TUSC3: variants seen among roughly 807,000 people sequenced by gnomAD.
TUSC3 encodes tumor suppressor candidate 3.
TUSC3 carries 45 observed loss-of-function variants against 44.8 expected under a neutral mutation model. The ratio of observed to expected loss-of-function variants is 1.00; its 90% confidence interval spans 0.79 to 1.29. The LOEUF (loss-of-function observed/expected upper bound fraction) is 1.29. TUSC3 is among the 50% of genes most tolerant of loss of function. TUSC3 has a pLI of 0.00. For missense variants in TUSC3, 519 were observed against 437.9 expected (o/e 1.19, Z -1.65); for synonymous variants, 212 against 152.9 (o/e 1.39, Z -2.85).
chr8:15,570,634 A>G (rs77900927), intron 1 of TUSC3, among the ~76,000 whole-genome samples: 2,432 of 152,206 alleles, frequency 0.016, 80 homozygotes, highest in African/African-American at 0.054. Flanking sequence ...ACTATTTTAC[A>G]TGTATTATTT....
intron 7 of TUSC3, among the ~76,000 whole-genome samples, chr8:15,731,243 T>A (rs1810709405): frequency 6.6e-6 from 1 of 152,052 alleles, no homozygotes; most frequent in African/African-American, 2.4e-5. Flanking sequence ...GTTAGAAGGA[T>A]GAAGAATGTA....
chr8:15,513,519 A>C (rs1801171061), intron 2 of TUSC3, among the ~76,000 whole-genome samples: 1 of 152,212 alleles, frequency 6.6e-6, no homozygotes, highest in South Asian at 2.1e-4. Context: ...AAACTGAGTC[A>C]AGAGGCAAAG....
chr8:15,594,651 C>CAT (rs1803989358), intron 1 of TUSC3, among the ~76,000 whole-genome samples: 1 of 151,896 alleles, frequency 6.6e-6, no homozygotes, highest in Non-Finnish European at 1.5e-5. Flanking sequence ...GAATACTCTA[C>CAT]ATAATGTCTT....
At chr8:15,709,563 C>G (rs1331507698) in intron 6 of TUSC3, among the ~76,000 whole-genome samples, 2 of 151,794 alleles carry the variant, frequency 1.3e-5, no homozygotes, top group Non-Finnish European at 2.9e-5. Context: ...CATTTATATA[C>G]TCCATATCTA....
the TUSC3 span, chr8:15,806,918 A>G: frequency 2.7e-5 from 38 of 1,415,870 alleles, 2 homozygotes; most frequent in Middle Eastern, 5.3e-3. Context: ...ACCCACTTCT[A>G]TCTGCACCAT....
At chr8:15,832,265 A>T in the TUSC3 span, among the ~76,000 whole-genome samples, 1 of 152,134 alleles carries the variant, frequency 6.6e-6, no homozygotes, top group Non-Finnish European at 1.5e-5. Context: ...TTCCCACAAG[A>T]CCCACCTTAC....
At chr8:15,504,350 T>G (rs1218723406) in intron 2 of TUSC3, among the ~76,000 whole-genome samples, 1 of 151,948 alleles carries the variant, frequency 6.6e-6, no homozygotes, top group Non-Finnish European at 1.5e-5. Flanking sequence ...TGTGAGATTT[T>G]AATAAATTAG....
At chr8:15,749,350 A>G (rs1811589959) in intron 9 of TUSC3, among the ~76,000 whole-genome samples, 2 of 152,290 alleles carry the variant, frequency 1.3e-5, no homozygotes, top group South Asian at 4.1e-4. Context: ...GCAGCAATAT[A>G]TAGCTTTATC....
intron 6 of TUSC3, among the ~76,000 whole-genome samples, chr8:15,710,875 A>G (rs1036093834): frequency 7.4e-5 from 11 of 147,654 alleles, no homozygotes; most frequent in Non-Finnish European, 1.3e-4. Flanking sequence ...TGCATTATAT[A>G]TATAATATAA....
At position 15,487,546 on chromosome 8, in the gene TUSC3, T is replaced by C. The variant is rs1217675208; in HGVS notation, n.189+4063T>C. Among the ~76,000 whole-genome samples, 4 of 152,228 alleles carry C rather than the reference T, an allele frequency of 2.6e-5. No individual in the cohort carries two copies. In the East Asian group the frequency reaches 7.7e-4, roughly 29 times the overall value. On this transcript the variant is annotated intron_variant and non_coding_transcript_variant, in intron 2 of 5. Transcript: ENST00000503191. Reference sequence around the variant, plus strand: ...GGGCTAGTTTATCCTGGTAGGCTTATGTCTTGTTACTGAGATACTAAACAT... The same window carrying C: ...GGGCTAGTTTATCCTGGTAGGCTTACGTCTTGTTACTGAGATACTAAACAT...
At chr8:15,771,345 T>A (rs1250557202), downstream of TUSC3, among the ~76,000 whole-genome samples, 1 of 152,132 alleles carries the variant, frequency 6.6e-6, no homozygotes. Flanking sequence ...GAAAGCTGAT[T>A]CATATGGAAA....
At chr8:15,456,616 G>C (rs1800259812) in intron 1 of TUSC3, among the ~76,000 whole-genome samples, 1 of 152,076 alleles carries the variant, frequency 6.6e-6, no homozygotes, top group African/African-American at 2.4e-5. Context: ...ATGGAACTTT[G>C]ATGTAGACAG....
chr8:15,494,720 G>A (rs1196509432), intron 2 of TUSC3, among the ~76,000 whole-genome samples: 4 of 152,212 alleles, frequency 2.6e-5, no homozygotes, highest in Admixed American at 1.3e-4. Context: ...GCATCACACA[G>A]AATATCCAGA....
chr8:15,514,290 A>G (rs910399282), intron 2 of TUSC3, among the ~76,000 whole-genome samples: 1 of 152,226 alleles, frequency 6.6e-6, no homozygotes, highest in East Asian at 1.9e-4. Flanking sequence ...TTATTTCAAA[A>G]TAGAATTTAG....
the TUSC3 span, among the ~76,000 whole-genome samples, chr8:15,839,988 C>T: frequency 6.6e-6 from 1 of 152,122 alleles, no homozygotes; most frequent in Admixed American, 6.5e-5. Context: ...AAATGTCCAT[C>T]AATGATAGAC....
intron 1 of TUSC3, among the ~76,000 whole-genome samples, chr8:15,607,082 G>T (rs1437426261): frequency 6.6e-6 from 1 of 152,042 alleles, no homozygotes; most frequent in Non-Finnish European, 1.5e-5. Flanking sequence ...ACCCTGTGCT[G>T]TTCTCTCTGA....
chr8:15,562,817 C>G (rs538683702), intron 1 of TUSC3, among the ~76,000 whole-genome samples: 2 of 152,142 alleles, frequency 1.3e-5, no homozygotes, highest in Non-Finnish European at 2.9e-5. Context: ...ACTAGGATCA[C>G]TTTTGTGACA....
At chr8:15,538,019 C>A (rs907856360), upstream of TUSC3, among the ~76,000 whole-genome samples, 2 of 152,066 alleles carry the variant, frequency 1.3e-5, no homozygotes, top group African/African-American at 2.4e-5. Context: ...CTCTTATGTA[C>A]GCACATAGGA....
At position 15,648,809 on chromosome 8, in the gene TUSC3, A is replaced by G. The variant is rs114086681; in HGVS notation, c.309-1888A>G. Among the ~76,000 whole-genome samples the G allele has an allele frequency of 1.8e-3, 272 of 151,392 alleles. 1 individual carries two copies. Among genetic ancestry groups the G allele is most frequent in the African/African-American group, 6.3e-3 (261 of 41,304 alleles). ...CTTGTTATCACGTACCATAAAAACA[A>G]TAATTCCTTTAAACCCGGTGTTTCT... On this transcript the variant is annotated intron_variant, in intron 2 of 10. Coordinates refer to ENST00000503731, the MANE Select transcript of TUSC3 (RefSeq NM_006765.4).
Sources: gnomAD v4.1 joint callset for allele counts (sites outside exome capture counted in the v4.1 genomes callset) on GRCh38, gnomAD v4.1.1 for gene constraint, MANE v1.5 for transcripts, NCBI Gene and HGNC (gene_info 2026-07-23, HGNC 2026-07-21) for gene names.